USP25: variants seen among roughly 807,000 people sequenced by gnomAD.
USP25 encodes the protein ubiquitin specific peptidase 25.
In USP25, 85 loss-of-function variants were observed where a neutral mutation model predicts 158.5. That is an observed-to-expected ratio of 0.54 (90% CI 0.45 to 0.64). USP25 has a LOEUF of 0.64. Among genes scored for constraint, USP25 ranks in the 30% least tolerant of loss-of-function variants. The pLI, the probability that USP25 is intolerant of heterozygous loss-of-function variation, is 0.00. For missense variants in USP25, 1,242 were observed against 1,327.3 expected (o/e 0.94, Z 1.00); for synonymous variants, 464 against 460.4 (o/e 1.01, Z -0.10).
Position 15,763,118 on chromosome 21 carries a change from A to T in USP25, c.123+150A>T, listed in dbSNP as rs181190644. On this transcript the variant is annotated intron_variant, in intron 2 of 25. Transcript: ENST00000400183. ...CTTTGTAAAGTAAAATCCTCAGTTA[A>T]CACACTGCGGTTTTGAGGATGTTAG... 3 of 625,374 alleles carry T rather than the reference A, an allele frequency of 4.8e-6. No homozygotes were observed. The African/African-American group carries it at 5.7e-5, about 12-fold the overall frequency. The allele number at this position is 625,374 out of a possible 1,614,324, so 38.7% of individuals were successfully genotyped here.
chr21:15,871,171 C>G (rs1568915623), intron 23 of USP25, among the ~76,000 whole-genome samples: 1 of 152,092 alleles, frequency 6.6e-6, no homozygotes, highest in Non-Finnish European at 1.5e-5. Context: ...TAATGTTTTA[C>G]TTAACAATTT....
chr21:15,803,581 A>T (rs1301555717), intron 6 of USP25, among the ~76,000 whole-genome samples: 1 of 151,900 alleles, frequency 6.6e-6, no homozygotes, highest in Non-Finnish European at 1.5e-5. Flanking sequence ...TCTTCTAGAA[A>T]CTAGGAAGCA....
chr21:15,771,933 T>A (rs1204284840), intron 3 of USP25, among the ~76,000 whole-genome samples: 1 of 152,180 alleles, frequency 6.6e-6, no homozygotes, highest in Non-Finnish European at 1.5e-5. Context: ...TCCTCTTGGT[T>A]TAGCCTGTGT....
chr21:15,781,628 A>C (rs1018970005), intron 4 of USP25, among the ~76,000 whole-genome samples: 1 of 152,150 alleles, frequency 6.6e-6, no homozygotes, highest in Non-Finnish European at 1.5e-5. Context: ...GCATAGAGTC[A>C]AGAATAGCTC....
intron 10 of USP25, among the ~76,000 whole-genome samples, chr21:15,823,610 AT>A (rs914594467): frequency 2.6e-5 from 4 of 151,552 alleles, no homozygotes; most frequent in African/African-American, 4.8e-5. Flanking sequence ...TATGATATAA[AT>A]TTTTTTTTGA....
At chr21:15,859,260 T>C (rs2039306280) in intron 20 of USP25, among the ~76,000 whole-genome samples, 1 of 151,476 alleles carries the variant, frequency 6.6e-6, no homozygotes, top group South Asian at 2.1e-4. Context: ...TGGTGCCATC[T>C]TGGCTCACTG....
At chr21:15,814,834 A>AT (rs2036853019) in intron 9 of USP25, among the ~76,000 whole-genome samples, 1 of 152,138 alleles carries the variant, frequency 6.6e-6, no homozygotes. Flanking sequence ...AGAAAACCCC[A>AT]TTTTTTGAGG....
intron 5 of USP25, among the ~76,000 whole-genome samples, chr21:15,798,811 A>G (rs1489439067): frequency 5.3e-5 from 8 of 151,134 alleles, no homozygotes; most frequent in Non-Finnish European, 8.9e-5. Flanking sequence ...CTTTATATGT[A>G]GTTTTCTCAA....
chr21:15,768,120 G>A (rs1044786348), intron 3 of USP25, among the ~76,000 whole-genome samples: 3 of 152,068 alleles, frequency 2.0e-5, no homozygotes, highest in Admixed American at 2.0e-4. Context: ...TTGAAATAAT[G>A]TAGAGAAATG....
In USP25 at chr21:15,826,233, G is replaced by A; in HGVS notation, c.1334G>A (p.Arg445Gln). 2 of 1,613,946 alleles carry A rather than the reference G, an allele frequency of 1.2e-6. No homozygotes were observed. Among genetic ancestry groups the A allele is most frequent in the Non-Finnish European group, 8.5e-7 (1 of 1,179,916 alleles). ...RYLSYGSGPKRFPLVDVLQYA... is the reference protein window; with the variant it reads ...RYLSYGSGPKQFPLVDVLQYA... ...TTAAGCTATGGTTCCGGTCCCAAAC[G>A]ATTCCCCTTGGTAGATGTTCTTCAG... The change falls in exon 13 of 26, where the codon CGA (arginine) becomes CAA (glutamine). Residue 445 changes from arginine (R) to glutamine (Q), a missense_variant. Physicochemically the swap from Arg to Gln is conservative, Grantham distance 43 (BLOSUM62 1). This residue lies in a region of USP25 where 627 missense variants were observed against 701.4 expected (regional missense o/e 0.89). Coordinates refer to ENST00000400183, the MANE Select transcript of USP25 (RefSeq NM_001283041.3). The surrounding 1 kb of genome is among the most constrained non-coding windows in gnomAD (Gnocchi z 4.8).
At chr21:15,836,133 T>G (rs1333301531) in intron 17 of USP25, among the ~76,000 whole-genome samples, 2 of 152,162 alleles carry the variant, frequency 1.3e-5, no homozygotes, top group Non-Finnish European at 2.9e-5. Context: ...TACCAGTGAC[T>G]AGTGGAAATA....
rs1245446159 is a variant in USP25, at chr21:15,730,291, C to T, written c.-103C>T. 3 of 995,712 alleles carry T rather than the reference C, an allele frequency of 3.0e-6. No homozygotes were observed. Among genetic ancestry groups the T allele is most frequent in the South Asian group, 4.5e-5 (1 of 22,082 alleles). The allele number at this position is 995,712 out of a possible 1,614,324, so 61.7% of individuals were successfully genotyped here. On this transcript the variant is annotated 5_prime_UTR_variant, in exon 1 of 26. Coordinates refer to ENST00000400183, the MANE Select transcript of USP25 (RefSeq NM_001283041.3). The stretch of plus-strand genomic sequence containing the variant: ...CGGGGGCGCTGTCCTCCCAGGCCGT[C>T]CGCGCCGCTCCCTGGAGCTCGGCGG...
At chr21:15,739,987 A>G (rs2031884569) in intron 1 of USP25, among the ~76,000 whole-genome samples, 1 of 152,188 alleles carries the variant, frequency 6.6e-6, no homozygotes, top group Non-Finnish European at 1.5e-5. Context: ...CTGCTTCAGT[A>G]CAGACCATCT....
chr21:15,865,216 A>G (rs1330934643), intron 21 of USP25, among the ~76,000 whole-genome samples: 1 of 152,164 alleles, frequency 6.6e-6, no homozygotes, highest in East Asian at 1.9e-4. Flanking sequence ...GAGTGACACT[A>G]GAAAATAATT....
chr21:15,766,668 A>G lies in USP25; in HGVS notation c.268+527A>G, dbSNP rs541234323. On this transcript the variant is annotated intron_variant, in intron 3 of 25. Transcript: ENST00000400183. The surrounding 1 kb of genome is among the most constrained non-coding windows in gnomAD (Gnocchi z 4.0). Reference sequence around the variant, plus strand: ...TTGGAAAAAGTGTTTTGGAGATACAAATACGTACATGTGGAAGATTCTATG... The same window carrying G: ...TTGGAAAAAGTGTTTTGGAGATACAGATACGTACATGTGGAAGATTCTATG... 2.6e-4 allele frequency among the ~76,000 whole-genome samples: 40 copies of G among 152,198 alleles called. No individual in the cohort carries two copies. The highest frequency in any genetic ancestry group is 9.1e-4 in the African/African-American group (38 of 41,560).
chr21:15,767,369 T>C (rs751372771), intron 3 of USP25, among the ~76,000 whole-genome samples: 1 of 152,124 alleles, frequency 6.6e-6, no homozygotes, highest in Non-Finnish European at 1.5e-5. Flanking sequence ...TGCTGGAGAA[T>C]GTTTTTCCTG....
chr21:15,841,862 A>G (rs1040602881), intron 17 of USP25, among the ~76,000 whole-genome samples: 3 of 152,138 alleles, frequency 2.0e-5, no homozygotes, highest in African/African-American at 7.2e-5. Flanking sequence ...CTGGAACTCA[A>G]AAGATGGATA....
At chr21:15,817,871 GA>G (rs1451192358) in intron 9 of USP25, among the ~76,000 whole-genome samples, 1 of 152,080 alleles carries the variant, frequency 6.6e-6, no homozygotes, top group African/African-American at 2.4e-5. Flanking sequence ...TTTGAGTGGG[GA>G]CACAGCCAAA....
chr21:15,847,846 C>T (rs1458665713), intron 19 of USP25, 70 bp downstream of exon 19: 14 of 984,652 alleles, frequency 1.4e-5, no homozygotes, highest in Non-Finnish European at 2.2e-5. Context: ...TTTGGGCATG[C>T]CTGCACCCTC....
Sources: gnomAD v4.1 joint callset for allele counts (sites outside exome capture counted in the v4.1 genomes callset) on GRCh38, gnomAD v4.1.1 for gene constraint, gnomAD v4.1.1 regional missense constraint, Gnocchi (gnomAD v3.1) non-coding constraint, MANE v1.5 for transcripts, NCBI Gene and HGNC (gene_info 2026-07-23, HGNC 2026-07-21) for gene names.